Variants in WNT2B observed in about 807,000 individuals in gnomAD.
WNT2B encodes Wnt family member 2B.
Under a neutral mutation model 40.5 loss-of-function variants are expected in WNT2B, and 19 were observed. The observed-to-expected ratio is 0.47, with a 90% confidence interval of 0.33 to 0.69. WNT2B has a LOEUF of 0.69. Among genes scored for constraint, WNT2B ranks in the 30% least tolerant of loss-of-function variants. The pLI is 0.02. For synonymous variants in WNT2B, 220 were observed against 211.9 expected (o/e 1.04, Z -0.33); for missense variants, 467 against 556.4 (o/e 0.84, Z 1.62).
At chr1:112,470,708 C>T (rs1490924942) in intron 1 of WNT2B, among the ~76,000 whole-genome samples, 3 of 152,188 alleles carry the variant, frequency 2.0e-5, no homozygotes, top group African/African-American at 7.2e-5. Context: ...GGGTCACTGC[C>T]CAGGCCCCAG....
At chr1:112,493,224 C>T (rs1570775576) in intron 1 of WNT2B, among the ~76,000 whole-genome samples, 1 of 152,204 alleles carries the variant, frequency 6.6e-6, no homozygotes, top group South Asian at 2.1e-4. Context: ...CCTGCTCCAT[C>T]AATAGCACTA....
chr1:112,519,995 CTGAG>C (rs2101099836), intron 4 of WNT2B, among the ~76,000 whole-genome samples: 1 of 151,664 alleles, frequency 6.6e-6, no homozygotes, highest in South Asian at 2.1e-4. Context: ...CCTCAGCCTC[CTGAG>C]TATCTAGGAC....
At position 112,523,566 on chromosome 1, in the gene WNT2B, C is replaced by A. The variant is rs1431053206; in HGVS notation, c.*3057C>A. The A allele has an allele frequency of 6.6e-6, 1 of 152,122 alleles. No homozygotes were observed. Among genetic ancestry groups the A allele is most frequent in the African/African-American group, 2.4e-5 (1 of 41,436 alleles). 9.4% of individuals were successfully genotyped at this position (152,122 alleles called of 1,614,324 possible). On this transcript the variant is annotated 3_prime_UTR_variant, in exon 5 of 5. Coordinates refer to ENST00000369684, the MANE Select transcript of WNT2B (RefSeq NM_024494.3). ...AACTTTATTTGGTGCAGTCAGGGCT[C>A]CATTTAGTTCCCTCACTCTGCTTCT...
intron 1 of WNT2B, among the ~76,000 whole-genome samples, chr1:112,481,169 CAA>C (rs66462658): frequency 0.32 from 44,363 of 136,830 alleles, 7,393 homozygotes; most frequent in African/African-American, 0.48. Flanking sequence ...AATTTCGTCT[CAA>C]AAAAAAAAAA....
rs149260788 is a variant in WNT2B, at chr1:112,519,614, A to T, written c.947-666A>T. Among the ~76,000 whole-genome samples the T allele has an allele frequency of 1.4e-3, 219 of 152,270 alleles. 1 individual carries two copies. The highest frequency in any genetic ancestry group is 5.0e-3 in the African/African-American group (206 of 41,552). ...TCCTAGAGTTTCCACTGTAAGGGGAAGGGATAATGCTTAGGGATAATAGCA... is the reference window on the plus strand; with the variant it reads ...TCCTAGAGTTTCCACTGTAAGGGGATGGGATAATGCTTAGGGATAATAGCA... On this transcript the variant is annotated intron_variant, in intron 4 of 4. Coordinates refer to ENST00000369684, the MANE Select transcript of WNT2B (RefSeq NM_024494.3).
At chr1:112,502,573 G>T (rs1651994041) in intron 1 of WNT2B, among the ~76,000 whole-genome samples, 1 of 152,350 alleles carries the variant, frequency 6.6e-6, no homozygotes, top group East Asian at 1.9e-4. Context: ...GGACTTGGGG[G>T]TGTGAAGCCC....
chr1:112,494,198 T>C (rs1241330376), intron 1 of WNT2B, among the ~76,000 whole-genome samples: 1 of 150,700 alleles, frequency 6.6e-6, no homozygotes, highest in Non-Finnish European at 1.5e-5. Context: ...TAGTCCCAGC[T>C]ACTCGGGAGG....
At chr1:112,484,290 T>TACACATATATATATATATAC (rs1651342823) in intron 1 of WNT2B, among the ~76,000 whole-genome samples, 3 of 126,032 alleles carry the variant, frequency 2.4e-5, no homozygotes, top group Admixed American at 8.4e-5. Flanking sequence ...TATATATATA[T>TACACATATATATATATATAC]ACACACACAT....
Position 112,501,062 on chromosome 1 carries a change from C to G in WNT2B, c.-94-13812C>G, listed in dbSNP as rs567575832. On this transcript the variant is annotated intron_variant, in intron 1 of 4. Coordinates refer to the WNT2B transcript ENST00000256640. ...TTTACTTGTCGTGTCTCCTTAGGCGCCTCTTGGCTGTGACAGTTGCTCAGA... is the reference window on the plus strand; with the variant it reads ...TTTACTTGTCGTGTCTCCTTAGGCGGCTCTTGGCTGTGACAGTTGCTCAGA... 1.4e-4 allele frequency among the ~76,000 whole-genome samples: 21 copies of G among 152,294 alleles called. 1 individual carries two copies. In the South Asian group the frequency reaches 4.3e-3, roughly 32 times the overall value.
upstream of WNT2B, among the ~76,000 whole-genome samples, chr1:112,506,211 C>T (rs959597021): frequency 6.6e-6 from 1 of 152,156 alleles, no homozygotes; most frequent in Non-Finnish European, 1.5e-5. Context: ...ATTGACCAGG[C>T]TAGTCTCTAA....
intron 1 of WNT2B, chr1:112,467,641 C>G (rs750780047): frequency 5.2e-6 from 4 of 765,184 alleles, no homozygotes; most frequent in African/African-American, 1.7e-5. Context: ...CTAATTTTCT[C>G]CTTTTCTTCT....
Position 112,525,532 on chromosome 1 carries a change from T to G in WNT2B, c.*5023T>G. On this transcript the variant is annotated 3_prime_UTR_variant, in exon 5 of 5. Coordinates refer to ENST00000369684, the MANE Select transcript of WNT2B (RefSeq NM_024494.3). Reference sequence around the variant, plus strand: ...CTCTGAGCATCTCGGTGGCTATTCCTCATTTACTTAAGATGTTTTAGTCAT... The same window carrying G: ...CTCTGAGCATCTCGGTGGCTATTCCGCATTTACTTAAGATGTTTTAGTCAT... The G allele has an allele frequency of 6.7e-6, 1 of 149,348 alleles. No individual in the cohort carries two copies. 9.3% of individuals were successfully genotyped at this position (149,348 alleles called of 1,614,324 possible).
Position 112,517,287 on chromosome 1 carries a change from A to G in WNT2B, c.848A>G (p.Asn283Ser). 6.2e-7 allele frequency: 1 copy of G among 1,614,228 alleles called. No individual in the cohort carries two copies. The highest frequency in any genetic ancestry group is 8.5e-7 in the Non-Finnish European group (1 of 1,180,028). Reference protein sequence around the residue: ...VQVMATQDGANFTAARQGYRR... With the variant: ...VQVMATQDGASFTAARQGYRR... ...GTGATGGCCACCCAAGATGGTGCCAACTTCACCGCAGCCCGCCAAGGCTAT... is the reference window on the plus strand; with the variant it reads ...GTGATGGCCACCCAAGATGGTGCCAGCTTCACCGCAGCCCGCCAAGGCTAT... The change falls in exon 4 of 5, where the codon AAC (asparagine) becomes AGC (serine). Residue 283 changes from asparagine (N) to serine (S), a missense_variant. Around this residue, in one of 2 missense-constraint regions of WNT2B, gnomAD observed 330 missense variants for 438.6 expected, o/e 0.75. Transcript: ENST00000369684.
At chr1:112,482,592 G>A (rs1276536569) in intron 1 of WNT2B, among the ~76,000 whole-genome samples, 3 of 151,964 alleles carry the variant, frequency 2.0e-5, no homozygotes, top group East Asian at 1.9e-4. Flanking sequence ...CTCAGCCTCC[G>A]AAAGCACTGG....
upstream of WNT2B, among the ~76,000 whole-genome samples, chr1:112,504,552 C>T (rs1256724851): frequency 6.6e-6 from 1 of 152,172 alleles, no homozygotes; most frequent in East Asian, 1.9e-4. Flanking sequence ...GATCCCCACT[C>T]TTTTCCCCCC....
intron 1 of WNT2B, among the ~76,000 whole-genome samples, chr1:112,497,524 C>A (rs1651815964): frequency 1.3e-5 from 2 of 152,314 alleles, no homozygotes; most frequent in Middle Eastern, 6.8e-3. Flanking sequence ...CCTAGGCACT[C>A]CCCCAATAAC....
At chr1:112,507,971 T>C (rs1443887872), upstream of WNT2B, among the ~76,000 whole-genome samples, 1 of 152,094 alleles carries the variant, frequency 6.6e-6, no homozygotes, top group Non-Finnish European at 1.5e-5. Context: ...GAGGAGAGTC[T>C]CTTTCGGCAG....
rs1653788916 is a variant in WNT2B at position 112,528,283 on chromosome 1, T to G, written c.*7774T>G. The stretch of plus-strand genomic sequence containing the variant: ...ATGTACAAGCAATATATAAGGAATT[T>G]CAAGCAAGTACACATTATATACACT... On this transcript the variant is annotated 3_prime_UTR_variant, in exon 5 of 5. Coordinates refer to ENST00000369684, the MANE Select transcript of WNT2B (RefSeq NM_024494.3). 1 of 152,172 alleles carries G rather than the reference T, an allele frequency of 6.6e-6. No individual in the cohort carries two copies. Among genetic ancestry groups the G allele is most frequent in the Non-Finnish European group, 1.5e-5 (1 of 68,028 alleles). 9.4% of individuals were successfully genotyped at this position (152,172 alleles called of 1,614,324 possible). A position where few individuals can be genotyped will look rare whatever the true frequency, so the allele number is the denominator to read the frequency against.
At position 112,516,133 on chromosome 1, in the gene WNT2B, T is replaced by C; in HGVS notation, c.404-7T>C. 6.2e-7 allele frequency: 1 copy of C among 1,607,448 alleles called. No homozygotes were observed. Among genetic ancestry groups the C allele is most frequent in the Non-Finnish European group, 8.5e-7 (1 of 1,175,164 alleles). On this transcript the variant is annotated splice_region_variant and splice_polypyrimidine_tract_variant and intron_variant, in intron 2 of 4. Transcript: ENST00000369684. ...CCTGAAGCACACCTCTACAATTCTC[T>C]CTCTAGGTAGCCGAGAGGCAGCTTT...
Sources: gnomAD v4.1 joint callset for allele counts (sites outside exome capture counted in the v4.1 genomes callset) on GRCh38, gnomAD v4.1.1 for gene constraint, gnomAD v4.1.1 regional missense constraint, MANE v1.5 for transcripts, NCBI Gene and HGNC (gene_info 2026-07-23, HGNC 2026-07-21) for gene names.